The following AGBL4 variants were observed in gnomAD, a reference collection of about 807,000 sequenced individuals.
AGBL4 encodes the protein cytosolic carboxypeptidase 6.
AGBL4 carries 58 observed loss-of-function variants against 66.4 expected under a neutral mutation model. That is an observed-to-expected ratio of 0.87 (90% CI 0.71 to 1.09). The LOEUF is 1.09. Ranked by LOEUF, AGBL4 falls within the 50% of genes least tolerant of loss-of-function variation. AGBL4 has a pLI of 0.00. For missense variants in AGBL4, 579 were observed against 631.0 expected (o/e 0.92, Z 0.88); for synonymous variants, 234 against 222.9 (o/e 1.05, Z -0.44).
At chr1:49,315,158 T>C (rs1050155069) in intron 3 of AGBL4, among the ~76,000 whole-genome samples, 1 of 152,178 alleles carries the variant, frequency 6.6e-6, no homozygotes, top group African/African-American at 2.4e-5. Context: ...TTTGCCTATT[T>C]AATAAATGGT....
At chr1:49,189,647 A>G (rs1647078441) in intron 4 of AGBL4, among the ~76,000 whole-genome samples, 1 of 152,224 alleles carries the variant, frequency 6.6e-6, no homozygotes, top group African/African-American at 2.4e-5. Context: ...AGAAAAATAC[A>G]TCCTAGTTTT....
chr1:49,620,688 T>C (rs927275372), intron 3 of AGBL4, among the ~76,000 whole-genome samples: 14 of 152,166 alleles, frequency 9.2e-5, no homozygotes, highest in African/African-American at 3.1e-4. Flanking sequence ...AGGAAAATCG[T>C]AACTACCTAT....
At chr1:49,046,798 A>G (rs1211397595) in intron 4 of AGBL4, among the ~76,000 whole-genome samples, 2 of 152,182 alleles carry the variant, frequency 1.3e-5, no homozygotes, top group Non-Finnish European at 2.9e-5. Flanking sequence ...ATTGCTTAAT[A>G]AGTCTTAACC....
intron 3 of AGBL4, among the ~76,000 whole-genome samples, chr1:49,271,516 GCACA>G (rs57311875): frequency 0.086 from 12,361 of 144,186 alleles, 743 homozygotes; most frequent in African/African-American, 0.17. Context: ...TTAAAAGATA[GCACA>G]CACACACACA....
chr1:48,730,445 A>G (rs1024199246), intron 6 of AGBL4, among the ~76,000 whole-genome samples: 10 of 152,206 alleles, frequency 6.6e-5, no homozygotes, highest in African/African-American at 2.4e-4. Flanking sequence ...AGATTCCCCC[A>G]GCTCGAAGTC....
rs553142686 is a variant in AGBL4, at chr1:49,870,452, T to C, written c.35-18934A>G. ...ACTAAAAGAGTATAATTCGATTATT[T>C]GTAACAGAAAGGATAAATGGATTGA... is the stretch of plus-strand genomic sequence containing the variant. On this transcript the variant is annotated intron_variant, in intron 1 of 13. Transcript: ENST00000371839. 2.0e-5 allele frequency among the ~76,000 whole-genome samples: 3 copies of C among 151,814 alleles called. No homozygotes were observed. In the South Asian group the frequency reaches 6.3e-4, roughly 32 times the overall value.
intron 2 of AGBL4, among the ~76,000 whole-genome samples, chr1:49,832,877 T>C (rs1170416393): frequency 2.6e-5 from 4 of 152,290 alleles, no homozygotes; most frequent in African/African-American, 9.6e-5. Flanking sequence ...GAGTTCATTG[T>C]AGATTCTGGA....
At chr1:49,293,798 A>G (rs764088821) in intron 3 of AGBL4, among the ~76,000 whole-genome samples, 2 of 152,196 alleles carry the variant, frequency 1.3e-5, no homozygotes, top group Non-Finnish European at 2.9e-5. Flanking sequence ...AAAGACCATA[A>G]ATTATTTTGA....
At chr1:49,296,726 T>A (rs1477832875) in intron 3 of AGBL4, among the ~76,000 whole-genome samples, 1 of 152,162 alleles carries the variant, frequency 6.6e-6, no homozygotes, top group Non-Finnish European at 1.5e-5. Flanking sequence ...TTTGGGTTTA[T>A]CAACATGAAA....
intron 5 of AGBL4, among the ~76,000 whole-genome samples, chr1:48,887,889 G>A (rs1489724408): frequency 6.6e-6 from 1 of 152,166 alleles, no homozygotes; most frequent in Non-Finnish European, 1.5e-5. Context: ...ATCTGGCAAA[G>A]GGCCTGGCAC....
intron 5 of AGBL4, among the ~76,000 whole-genome samples, chr1:48,882,898 T>C (rs1414408033): frequency 6.6e-6 from 1 of 152,214 alleles, no homozygotes; most frequent in Non-Finnish European, 1.5e-5. Flanking sequence ...TTATTTCACT[T>C]AGATTAATGT....
chr1:48,637,227 G>T (rs1039033158), intron 8 of AGBL4, among the ~76,000 whole-genome samples: 4 of 152,156 alleles, frequency 2.6e-5, no homozygotes, highest in Non-Finnish European at 5.9e-5. Context: ...GAATGACATG[G>T]ACTAATAGTT....
intron 2 of AGBL4, among the ~76,000 whole-genome samples, chr1:49,718,849 G>A (rs1344392321): frequency 6.6e-6 from 1 of 151,946 alleles, no homozygotes; most frequent in African/African-American, 2.4e-5. Context: ...TTTTCAGAAA[G>A]AAAAACTACA....
intron 3 of AGBL4, among the ~76,000 whole-genome samples, chr1:49,305,983 C>T (rs1171202128): frequency 6.6e-6 from 1 of 152,164 alleles, no homozygotes; most frequent in Non-Finnish European, 1.5e-5. Context: ...AGCCACCGTG[C>T]CTGGCCGGAA....
chr1:49,643,641 T>C (rs1645827931), intron 3 of AGBL4, among the ~76,000 whole-genome samples: 1 of 151,602 alleles, frequency 6.6e-6, no homozygotes, highest in African/African-American at 2.4e-5. Flanking sequence ...AAACTGCTGG[T>C]TGAAAACAAT....
chr1:48,755,048 G>A (rs530305490), intron 6 of AGBL4, among the ~76,000 whole-genome samples: 1 of 152,284 alleles, frequency 6.6e-6, no homozygotes, highest in South Asian at 2.1e-4. Flanking sequence ...TTTCTTGTGT[G>A]TGGAATGAAT....
chr1:49,742,434 C>T (rs1406389340), intron 2 of AGBL4, among the ~76,000 whole-genome samples: 1 of 152,114 alleles, frequency 6.6e-6, no homozygotes, highest in Admixed American at 6.6e-5. Flanking sequence ...ATTCCATGCT[C>T]ATGGGTAGGA....
At chr1:49,916,426 A>G (rs1282514584) in intron 1 of AGBL4, among the ~76,000 whole-genome samples, 3 of 152,258 alleles carry the variant, frequency 2.0e-5, no homozygotes, top group Non-Finnish European at 4.4e-5. Context: ...CACAAGAACT[A>G]CGTGATGAAT....
At chr1:49,484,017 A>G (rs1647011254) in intron 3 of AGBL4, among the ~76,000 whole-genome samples, 1 of 152,108 alleles carries the variant, frequency 6.6e-6, no homozygotes, top group Admixed American at 6.6e-5. Context: ...ATTATTGATC[A>G]TCAGAGAAAT....
Sources: gnomAD v4.1 joint callset for allele counts (sites outside exome capture counted in the v4.1 genomes callset) on GRCh38, gnomAD v4.1.1 for gene constraint, MANE v1.5 for transcripts, NCBI Gene and HGNC (gene_info 2026-07-23, HGNC 2026-07-21) for gene names.